The following SKAP2 variants were observed in gnomAD, a reference collection of about 807,000 sequenced individuals.
SKAP2 encodes src kinase-associated phosphoprotein 2.
Under a neutral mutation model 54.9 loss-of-function variants are expected in SKAP2, and 28 were observed. The ratio of observed to expected loss-of-function variants is 0.51; its 90% CI spans 0.38 to 0.70. The LOEUF (loss-of-function observed/expected upper bound fraction) is 0.70. Ranked by LOEUF, SKAP2 falls within the 30% of genes least tolerant of loss-of-function variation. SKAP2 has a pLI of 0.00. For synonymous variants in SKAP2, 137 were observed against 134.3 expected, an observed-to-expected ratio of 1.02 and a Z score of -0.14; for missense variants, 356 against 424.1, an observed-to-expected ratio of 0.84 and a Z score of 1.41.
At chr7:26,836,051 C>T (rs926959378) in intron 4 of SKAP2, among the ~76,000 whole-genome samples, 1 of 152,124 alleles carries the variant, frequency 6.6e-6, no homozygotes, top group Non-Finnish European at 1.5e-5. Context: ...CATCTACAAC[C>T]ATCTGATCTT....
intron 11 of SKAP2, among the ~76,000 whole-genome samples, chr7:26,675,576 A>G (rs1786332538): frequency 6.6e-6 from 1 of 152,234 alleles, no homozygotes; most frequent in African/African-American, 2.4e-5. Flanking sequence ...AAGATGTTCC[A>G]TAAGTAGGTA....
chr7:26,818,101 T>C (rs956405275), intron 4 of SKAP2, among the ~76,000 whole-genome samples: 16 of 152,142 alleles, frequency 1.1e-4, no homozygotes, highest in Non-Finnish European at 1.6e-4. Flanking sequence ...AAATTTCATA[T>C]GGAACCAAAA....
At chr7:26,830,749 A>G (rs545667480) in intron 4 of SKAP2, among the ~76,000 whole-genome samples, 1 of 152,272 alleles carries the variant, frequency 6.6e-6, no homozygotes, top group Non-Finnish European at 1.5e-5. Flanking sequence ...AAGGACCCTG[A>G]TATCGACTCT....
chr7:26,761,795 G>A (rs1782936655), intron 4 of SKAP2, among the ~76,000 whole-genome samples: 1 of 152,196 alleles, frequency 6.6e-6, no homozygotes, highest in Admixed American at 6.5e-5. Flanking sequence ...GGCAACTCGG[G>A]AGTCTGAGGC....
At chr7:26,777,410 G>T (rs1691901021) in intron 4 of SKAP2, among the ~76,000 whole-genome samples, 2 of 152,030 alleles carry the variant, frequency 1.3e-5, no homozygotes, top group South Asian at 4.1e-4. Flanking sequence ...GATAAAATTT[G>T]CTATTAAAAA....
At chr7:26,727,511 G>A (rs1787733985) in intron 6 of SKAP2, among the ~76,000 whole-genome samples, 2 of 151,684 alleles carry the variant, frequency 1.3e-5, no homozygotes, top group African/African-American at 2.4e-5. Flanking sequence ...ACCTTACAAA[G>A]CAAACCAAAA....
intron 9 of SKAP2, among the ~76,000 whole-genome samples, chr7:26,698,562 C>T (rs1786949189): frequency 6.6e-6 from 1 of 152,278 alleles, no homozygotes; most frequent in South Asian, 2.1e-4. Context: ...TTATTTTCAC[C>T]TAATATCAAC....
chr7:26,793,160 AG>A (rs1454378732), intron 4 of SKAP2, among the ~76,000 whole-genome samples: 1 of 152,216 alleles, frequency 6.6e-6, no homozygotes, highest in Non-Finnish European at 1.5e-5. Flanking sequence ...CTAGTCTGAC[AG>A]ACTTACTTTT....
At chr7:26,757,046 G>C (rs1467383049) in intron 4 of SKAP2, among the ~76,000 whole-genome samples, 1 of 151,956 alleles carries the variant, frequency 6.6e-6, no homozygotes, top group East Asian at 1.9e-4. Context: ...TTGTGAATTT[G>C]AGTTCTTTGT....
chr7:26,801,404 C>G (rs1042503440), intron 4 of SKAP2, among the ~76,000 whole-genome samples: 1 of 152,152 alleles, frequency 6.6e-6, no homozygotes, highest in Non-Finnish European at 1.5e-5. Flanking sequence ...TAGTATCATA[C>G]TGAATGAGGA....
At chr7:26,859,040 G>A (rs1355235684) in intron 1 of SKAP2, among the ~76,000 whole-genome samples, 1 of 152,122 alleles carries the variant, frequency 6.6e-6, no homozygotes, top group Admixed American at 6.5e-5. Context: ...GTATGGGGGA[G>A]GGGGAGGGCG....
intron 4 of SKAP2, among the ~76,000 whole-genome samples, chr7:26,822,360 T>C (rs1420258750): frequency 6.6e-6 from 1 of 152,198 alleles, no homozygotes; most frequent in Non-Finnish European, 1.5e-5. Context: ...AATTTTTTCA[T>C]TATTATTATA....
At chr7:26,728,734 C>A (rs923505084) in intron 6 of SKAP2, among the ~76,000 whole-genome samples, 3 of 151,962 alleles carry the variant, frequency 2.0e-5, no homozygotes, top group African/African-American at 7.3e-5. Flanking sequence ...ATGTTCACTA[C>A]GAAAAGTGGA....
At chr7:26,764,892 T>G (rs1783013083) in intron 4 of SKAP2, among the ~76,000 whole-genome samples, 1 of 152,226 alleles carries the variant, frequency 6.6e-6, no homozygotes, top group Admixed American at 6.5e-5. Flanking sequence ...GATGGGCATT[T>G]GGGTTGGTTA....
chr7:26,689,746 T>C (rs1392874348), intron 10 of SKAP2, among the ~76,000 whole-genome samples: 1 of 152,188 alleles, frequency 6.6e-6, no homozygotes, highest in Non-Finnish European at 1.5e-5. Context: ...CTGATTTTTA[T>C]CAAAGAAGAC....
rs531116262 is a variant in SKAP2 at position 26,853,835 on chromosome 7, T to G, written c.199+302A>C. Among the ~76,000 whole-genome samples the G allele has an allele frequency of 6.4e-4, 97 of 152,290 alleles. 1 individual carries two copies. The highest frequency in any genetic ancestry group is 2.2e-3 in the African/African-American group (92 of 41,570). Reference sequence around the variant, plus strand: ...TTCACCAAGTTATTCCACGTGTAATTGCACGTTTTTACCTTTCCTAACAAA... The same window carrying G: ...TTCACCAAGTTATTCCACGTGTAATGGCACGTTTTTACCTTTCCTAACAAA... On this transcript the variant is annotated intron_variant, in intron 3 of 12. Coordinates refer to ENST00000345317, the MANE Select transcript of SKAP2 (RefSeq NM_003930.5).
intron 11 of SKAP2, among the ~76,000 whole-genome samples, chr7:26,672,522 G>A (rs1318522231): frequency 1.3e-5 from 2 of 151,848 alleles, no homozygotes; most frequent in African/African-American, 4.8e-5. Flanking sequence ...TAAAATAATT[G>A]AAAAACATAG....
intron 4 of SKAP2, among the ~76,000 whole-genome samples, chr7:26,780,267 G>A (rs1318113722): frequency 6.6e-6 from 1 of 152,196 alleles, no homozygotes; most frequent in South Asian, 2.1e-4. Flanking sequence ...CTCAATAAAT[G>A]GTAGCTGTTG....
At chr7:26,795,588 A>G (rs914877797) in intron 4 of SKAP2, among the ~76,000 whole-genome samples, 3 of 152,216 alleles carry the variant, frequency 2.0e-5, no homozygotes, top group Admixed American at 6.5e-5. Context: ...CCTCAAATCC[A>G]TTTTGGAAAA....
Sources: gnomAD v4.1 joint callset for allele counts (sites outside exome capture counted in the v4.1 genomes callset) on GRCh38, gnomAD v4.1.1 for gene constraint, MANE v1.5 for transcripts, NCBI Gene and HGNC (gene_info 2026-07-23, HGNC 2026-07-21) for gene names.